YEATS2: variants seen among roughly 807,000 people sequenced by gnomAD.
The protein encoded by YEATS2 is YEATS domain containing 2, also known as YEATS domain-containing protein 2.
A neutral mutation model predicts 163.2 loss-of-function variants in YEATS2; 77 were observed. The observed-to-expected ratio is 0.47, with a 90% CI of 0.39 to 0.57. The LOEUF (loss-of-function observed/expected upper bound fraction) is 0.57, where lower values mean the gene tolerates loss of function less well. YEATS2 is among the 20% of genes least tolerant of loss of function. YEATS2 has a pLI of 0.00. For missense variants in YEATS2, 1,549 were observed against 1,729.8 expected (o/e 0.90, Z 1.85); for synonymous variants, 631 against 645.1 (o/e 0.98, Z 0.33).
At chr3:183,765,116 C>T (rs559227121) in intron 15 of YEATS2, among the ~76,000 whole-genome samples, 2 of 152,290 alleles carry the variant, frequency 1.3e-5, no homozygotes, top group Non-Finnish European at 2.9e-5. Context: ...TACTAGTGCT[C>T]CCACTGTGGT....
At chr3:183,803,662 G>A (rs1725903379) in intron 26 of YEATS2, 1 of 488,834 alleles carries the variant, frequency 2.0e-6, no homozygotes, top group Admixed American at 3.6e-5. Flanking sequence ...GGAGAGCGCA[G>A]GTGGAGACCA....
intron 1 of YEATS2, among the ~76,000 whole-genome samples, chr3:183,714,323 G>C (rs1166408736): frequency 6.6e-6 from 1 of 151,218 alleles, no homozygotes; most frequent in Non-Finnish European, 1.5e-5. Flanking sequence ...AATCTCCCGA[G>C]TAGCTGGGAC....
At chr3:183,723,275 A>C (rs879269100) in intron 5 of YEATS2, among the ~76,000 whole-genome samples, 12 of 152,236 alleles carry the variant, frequency 7.9e-5, no homozygotes, top group Non-Finnish European at 1.6e-4. Flanking sequence ...AACTTCTTGA[A>C]AAATATTTGG....
intron 7 of YEATS2, among the ~76,000 whole-genome samples, chr3:183,735,230 AC>A (rs1260926679): frequency 3.9e-5 from 6 of 152,216 alleles, no homozygotes; most frequent in Non-Finnish European, 8.8e-5. Flanking sequence ...ATTTAGACTT[AC>A]CATTTAGCTT....
intron 21 of YEATS2, among the ~76,000 whole-genome samples, chr3:183,795,458 T>TA (rs1410920195): frequency 1.7e-5 from 1 of 59,818 alleles, no homozygotes; most frequent in East Asian, 8.8e-4. Context: ...GGGACTAATT[T>TA]TTTTTTTTTT....
intron 29 of YEATS2, among the ~76,000 whole-genome samples, chr3:183,808,484 A>T (rs1726454848): frequency 6.6e-6 from 1 of 152,184 alleles, no homozygotes; most frequent in South Asian, 2.1e-4. Flanking sequence ...CCCCAGCCTG[A>T]TCCTAGCTCA....
In YEATS2 at chr3:183,777,827, G is replaced by A. The variant is rs1723147582; in HGVS notation, c.2736+127G>A. The A allele has an allele frequency of 2.3e-6, 3 of 1,300,810 alleles. No homozygotes were observed. In the East Asian group the frequency reaches 7.9e-5, roughly 34 times the overall value. 80.6% of individuals were successfully genotyped at this position (1,300,810 alleles called of 1,614,324 possible). On this transcript the variant is annotated intron_variant, in intron 19 of 30. Coordinates refer to ENST00000305135, the MANE Select transcript of YEATS2 (RefSeq NM_018023.5). ...ATAAGAAAATGAACAATAAGGCCAG[G>A]AGTGGTCGCTCACGTCTGTAATCCC...
chr3:183,705,217 T>C (rs757065532), intron 1 of YEATS2, among the ~76,000 whole-genome samples: 39 of 152,048 alleles, frequency 2.6e-4, no homozygotes, highest in Non-Finnish European at 4.7e-4. Flanking sequence ...TCCTAACTAA[T>C]TTTTGTATTG....
At chr3:183,799,079 G>C in intron 23 of YEATS2, 90 bp downstream of exon 23, 1 of 962,196 alleles carries the variant, frequency 1.0e-6, no homozygotes. Context: ...GAAGCTTTAT[G>C]CGGGACATTA....
chr3:183,759,035 C>A, intron 13 of YEATS2, 70 bp downstream of exon 13: 2 of 1,131,510 alleles, frequency 1.8e-6, no homozygotes, highest in South Asian at 1.6e-5. Context: ...AATAATTTTT[C>A]AAATGGAGAT....
chr3:183,736,595 G>T, intron 7 of YEATS2, 123 bp from the exon 8 acceptor site: 8 of 669,254 alleles, frequency 1.2e-5, no homozygotes, highest in South Asian at 9.8e-5. Context: ...AGTTTTAAAC[G>T]AGGAAATCTA....
chr3:183,776,350 C>A (rs914962870), intron 18 of YEATS2, among the ~76,000 whole-genome samples: 5 of 151,938 alleles, frequency 3.3e-5, no homozygotes, highest in African/African-American at 4.8e-5. Context: ...TCGAGACCAA[C>A]CTGGGCAACA....
intron 13 of YEATS2, among the ~76,000 whole-genome samples, chr3:183,760,193 T>G (rs867789519): frequency 2.0e-5 from 3 of 152,318 alleles, no homozygotes; most frequent in South Asian, 2.1e-4. Flanking sequence ...TGGTTTAATT[T>G]TTATTGTTTG....
chr3:183,801,113 A>T (rs1356929626), intron 24 of YEATS2: 1 of 190,176 alleles, frequency 5.3e-6, no homozygotes, highest in African/African-American at 2.3e-5. Context: ...CGTGAACTGT[A>T]ATAACCCTAA....
chr3:183,724,826 T>TC (rs1009773812), intron 6 of YEATS2, among the ~76,000 whole-genome samples: 1 of 151,996 alleles, frequency 6.6e-6, no homozygotes, highest in African/African-American at 2.4e-5. Flanking sequence ...CACCGCAACC[T>TC]CCCCCCGCCC....
At chr3:183,729,628 T>C (rs763502130) in intron 7 of YEATS2, among the ~76,000 whole-genome samples, 15 of 152,194 alleles carry the variant, frequency 9.9e-5, no homozygotes, top group South Asian at 4.1e-4. Flanking sequence ...GGAATGATTA[T>C]ATATATTGTT....
At chr3:183,726,842 C>T (rs1481907847) in intron 6 of YEATS2, among the ~76,000 whole-genome samples, 1 of 152,112 alleles carries the variant, frequency 6.6e-6, no homozygotes, top group East Asian at 1.9e-4. Flanking sequence ...ACTCTTGTTG[C>T]CCAGGTTGGA....
intron 29 of YEATS2, chr3:183,808,631 G>A (rs1193941863): frequency 8.2e-5 from 14 of 170,904 alleles, no homozygotes; most frequent in East Asian, 1.7e-4. Context: ...CGAGGCGGGT[G>A]GATCATTTGC....
At chr3:183,752,358 G>A in intron 10 of YEATS2, 105 bp downstream of exon 10, 1 of 1,360,824 alleles carries the variant, frequency 7.3e-7, no homozygotes, top group East Asian at 2.3e-5. Flanking sequence ...GCTATAAGTG[G>A]ACATGCTGCC....
Sources: allele counts gnomAD v4.1 joint callset (sites outside exome capture counted in the v4.1 genomes callset), GRCh38; gene constraint gnomAD v4.1.1; transcripts MANE v1.5; gene names NCBI Gene and HGNC (gene_info 2026-07-23, HGNC 2026-07-21).